The following NUP58 variants were observed in gnomAD, a reference collection of about 807,000 sequenced individuals.
NUP58 encodes nucleoporin p58/p45.
A neutral mutation model predicts 70.1 loss-of-function variants in NUP58; 17 were observed. That is an observed-to-expected ratio of 0.24 (90% CI 0.17 to 0.36). The LOEUF is 0.36. NUP58 is among the 10% of genes least tolerant of loss of function. The probability of loss-of-function intolerance (pLI) is 1.00; values close to 1 mark genes in which losing one functional copy is unlikely to be tolerated. For missense variants in NUP58, 644 were observed against 701.5 expected (o/e 0.92, Z 0.93); for synonymous variants, 275 against 257.6 (o/e 1.07, Z -0.65).
At chr13:25,309,961 AAAC>A in intron 3 of NUP58, 1 of 367,172 alleles carries the variant, frequency 2.7e-6, no homozygotes, top group South Asian at 2.0e-5. Flanking sequence ...TATTAACAGA[AAAC>A]AACACATCTG....
chr13:25,326,253 C>T (rs963802076), intron 10 of NUP58, among the ~76,000 whole-genome samples: 5 of 152,110 alleles, frequency 3.3e-5, no homozygotes, highest in African/African-American at 7.2e-5. Context: ...GCCATCAGAG[C>T]TAATTTTGCA....
At chr13:25,344,552 A>G (rs1051418459), downstream of NUP58, among the ~76,000 whole-genome samples, 2 of 152,170 alleles carry the variant, frequency 1.3e-5, no homozygotes, top group African/African-American at 4.8e-5. Context: ...AGGCTATTCT[A>G]GGACACTTAG....
At chr13:25,327,284 G>C (rs1432206289) in intron 11 of NUP58, 146 bp from the exon 12 acceptor site, 5 of 579,480 alleles carry the variant, frequency 8.6e-6, no homozygotes, top group East Asian at 2.9e-5. Context: ...CTGCTACTCT[G>C]TGTGTTCTCT....
At chr13:25,319,292 A>AT (rs758648120) in intron 6 of NUP58, 34 bp from the exon 7 acceptor site, 49 of 1,594,090 alleles carry the variant, frequency 3.1e-5, no homozygotes, top group African/African-American at 1.3e-4. Context: ...TCAATTACCA[A>AT]TTTTTTTTAC....
intron 3 of NUP58, among the ~76,000 whole-genome samples, chr13:25,347,731 G>A (rs2032066535): frequency 1.3e-5 from 2 of 152,152 alleles, no homozygotes. Context: ...GGCCATAATG[G>A]AGCTTGTTTT....
At chr13:25,318,678 A>T (rs1426361171) in intron 6 of NUP58, among the ~76,000 whole-genome samples, 2 of 152,204 alleles carry the variant, frequency 1.3e-5, no homozygotes, top group African/African-American at 2.4e-5. Flanking sequence ...ACCAAATATA[A>T]ACTAAGAATT....
At position 25,312,804 on chromosome 13, in the gene NUP58, T is replaced by C; in HGVS notation, c.287-79T>C. On this transcript the variant is annotated intron_variant, in intron 3 of 15. Transcript: ENST00000381736. ...TATCATGAACTTTTAAGGATCCTTA[T>C]TGAAACCAGTATAATAGAACACTTA... is the stretch of plus-strand genomic sequence containing the variant. 2.9e-6 allele frequency: 4 copies of C among 1,399,444 alleles called. No individual in the cohort carries two copies. The South Asian group carries it at 5.4e-5, about 19-fold the overall frequency. The allele number at this position is 1,399,444 out of a possible 1,614,324, so 86.7% of individuals were successfully genotyped here.
At chr13:25,320,683 T>C in intron 8 of NUP58, 88 bp downstream of exon 8, 1 of 981,932 alleles carries the variant, frequency 1.0e-6, no homozygotes, top group Non-Finnish European at 1.5e-6. Flanking sequence ...TAAAATCGCA[T>C]CCTAGAGGAG....
At chr13:25,339,400 A>G (rs946609971) in intron 15 of NUP58, among the ~76,000 whole-genome samples, 2 of 152,226 alleles carry the variant, frequency 1.3e-5, no homozygotes, top group Admixed American at 6.5e-5. Context: ...GGAGGAAGAT[A>G]ATAATAGGAT....
At position 25,308,403 on chromosome 13, in the gene NUP58, A is replaced by G. The variant is rs1364699020; in HGVS notation, c.250+455A>G. Among the ~76,000 whole-genome samples the G allele has an allele frequency of 2.6e-5, 4 of 151,950 alleles. No individual in the cohort carries two copies. The East Asian group carries it at 7.8e-4, about 29-fold the overall frequency. ...GTAGCCTTGCAGCCTCTCGGGCCCAAGTGATCCTCCCACCTCAGCCTCCTG... is the reference window on the plus strand; with the variant it reads ...GTAGCCTTGCAGCCTCTCGGGCCCAGGTGATCCTCCCACCTCAGCCTCCTG... On this transcript the variant is annotated intron_variant, in intron 2 of 15. Transcript: ENST00000381736.
chr13:25,349,238 T>TA (rs2032081357), intron 3 of NUP58, among the ~76,000 whole-genome samples: 1 of 152,206 alleles, frequency 6.6e-6, no homozygotes, highest in Non-Finnish European at 1.5e-5. Context: ...CAGATTCTAT[T>TA]AATGTTTATT....
intron 12 of NUP58, among the ~76,000 whole-genome samples, chr13:25,329,343 T>G (rs917936861): frequency 2.7e-4 from 41 of 152,280 alleles, no homozygotes; most frequent in Middle Eastern, 6.8e-3. Flanking sequence ...CACGAAGTAT[T>G]TCAGAGCAAA....
At chr13:25,325,276 C>T (rs2031350374) in intron 10 of NUP58, among the ~76,000 whole-genome samples, 1 of 152,150 alleles carries the variant, frequency 6.6e-6, no homozygotes, top group Non-Finnish European at 1.5e-5. Context: ...AGGCTAAGAT[C>T]TGAGCTTTTC....
chr13:25,316,431 CTG>C, intron 6 of NUP58, among the ~76,000 whole-genome samples: 2 of 128,516 alleles, frequency 1.6e-5, no homozygotes, highest in Middle Eastern at 8.2e-3. Flanking sequence ...GAAATAGTAT[CTG>C]TGTATCTATA....
intron 5 of NUP58, among the ~76,000 whole-genome samples, chr13:25,314,794 T>G (rs1341937080): frequency 1.3e-5 from 2 of 152,208 alleles, no homozygotes; most frequent in African/African-American, 4.8e-5. Context: ...TGACTTATGA[T>G]TAACCGTAGT....
chr13:25,332,287 C>G, intron 13 of NUP58: 2 of 985,420 alleles, frequency 2.0e-6, no homozygotes, highest in Non-Finnish European at 2.4e-6. Flanking sequence ...AGTTACACTT[C>G]TAATTAGAGA....
chr13:25,332,180 T>C, intron 13 of NUP58: 2 of 986,000 alleles, frequency 2.0e-6, no homozygotes, highest in South Asian at 9.4e-5. Flanking sequence ...GAAAAAGATG[T>C]TTTGAGATGT....
chr13:25,345,696 A>G (rs1049260561), downstream of NUP58, among the ~76,000 whole-genome samples: 1 of 152,298 alleles, frequency 6.6e-6, no homozygotes. Flanking sequence ...GAAGGCTTGT[A>G]TGACCCCTGT....
At chr13:25,302,001 A>T (rs2030035400) in intron 1 of NUP58, 121 bp downstream of exon 1, 2 of 682,946 alleles carry the variant, frequency 2.9e-6, no homozygotes, top group Non-Finnish European at 4.8e-6. Flanking sequence ...GGCTGGAGAG[A>T]AGCACTTAAT....
Sources: allele counts gnomAD v4.1 joint callset (sites outside exome capture counted in the v4.1 genomes callset), GRCh38; gene constraint gnomAD v4.1.1; transcripts MANE v1.5; gene names NCBI Gene and HGNC (gene_info 2026-07-23, HGNC 2026-07-21).